The following NELL1 variants were observed in gnomAD, a reference collection of about 807,000 sequenced individuals.
The protein encoded by NELL1 is protein kinase C-binding protein NELL1.
A neutral mutation model predicts 107.4 loss-of-function variants in NELL1; 76 were observed. The ratio of observed to expected loss-of-function variants is 0.71; its 90% CI spans 0.59 to 0.86. The LOEUF is 0.86. NELL1 is among the 40% of genes least tolerant of loss of function. NELL1 has a pLI of 0.00. For missense variants in NELL1, 1,024 were observed against 1,005.5 expected, an observed-to-expected ratio of 1.02 and a Z score of -0.25; for synonymous variants, 353 against 341.2, an observed-to-expected ratio of 1.03 and a Z score of -0.38.
In NELL1 at chr11:21,438,352, T is replaced by C. The variant is rs542289404; in HGVS notation, c.1645+67404T>C. 2.6e-5 allele frequency among the ~76,000 whole-genome samples: 4 copies of C among 152,214 alleles called. No homozygotes were observed. The South Asian group carries it at 8.3e-4, about 32-fold the overall frequency. The stretch of plus-strand genomic sequence containing the variant: ...GCTGAAAAATACATTGTTAGTCTGA[T>C]AGGTATTGTTTTCTATGTGACTTGA... On this transcript the variant is annotated intron_variant, in intron 15 of 19. Transcript: ENST00000357134.
chr11:20,850,053 A>G (rs1207614306), intron 4 of NELL1, among the ~76,000 whole-genome samples: 6 of 152,204 alleles, frequency 3.9e-5, no homozygotes, highest in Non-Finnish European at 1.5e-5. Flanking sequence ...CTGGGCTACA[A>G]CAAATAAATG....
intron 12 of NELL1, among the ~76,000 whole-genome samples, chr11:20,976,812 A>C (rs1467398400): frequency 1.3e-5 from 2 of 152,138 alleles, no homozygotes; most frequent in Admixed American, 6.6e-5. Flanking sequence ...GAATTCCTAA[A>C]AATCTCTGTA....
At chr11:20,770,925 T>A (rs1856626885) in intron 2 of NELL1, 1 of 151,218 alleles carries the variant, frequency 6.6e-6, no homozygotes, top group Non-Finnish European at 1.5e-5. Flanking sequence ...TATTATTTAT[T>A]TGGCACACAT....
intron 15 of NELL1, among the ~76,000 whole-genome samples, chr11:21,485,652 G>C (rs1170677183): frequency 6.6e-6 from 1 of 151,694 alleles, no homozygotes; most frequent in Non-Finnish European, 1.5e-5. Flanking sequence ...ACTGAGAGTG[G>C]CCCCGCCCTC....
At chr11:21,090,710 G>A (rs1314286402) in intron 12 of NELL1, among the ~76,000 whole-genome samples, 2 of 152,220 alleles carry the variant, frequency 1.3e-5, no homozygotes, top group Non-Finnish European at 2.9e-5. Context: ...ACCTTCATGA[G>A]TAAGGCTGAT....
intron 12 of NELL1, among the ~76,000 whole-genome samples, chr11:20,975,574 T>TTA (rs200731005): frequency 0.16 from 22,214 of 140,852 alleles, 2,259 homozygotes; most frequent in Middle Eastern, 0.26. Flanking sequence ...ATATAATGTA[T>TTA]TATATACACA....
At chr11:21,208,249 A>G (rs1182879773) in intron 13 of NELL1, among the ~76,000 whole-genome samples, 1 of 151,994 alleles carries the variant, frequency 6.6e-6, no homozygotes, top group African/African-American at 2.4e-5. Flanking sequence ...TCTATTCTTT[A>G]GTAATAAAAG....
chr11:20,898,060 C>T (rs928385884), intron 5 of NELL1, among the ~76,000 whole-genome samples: 1 of 152,100 alleles, frequency 6.6e-6, no homozygotes, highest in African/African-American at 2.4e-5. Flanking sequence ...CCCAGCCATC[C>T]CATTACTGGG....
chr11:21,134,892 C>T (rs1350025351), intron 13 of NELL1, among the ~76,000 whole-genome samples: 1 of 152,140 alleles, frequency 6.6e-6, no homozygotes, highest in Non-Finnish European at 1.5e-5. Context: ...CTTAACTTTG[C>T]TGAAGTTTAA....
intron 4 of NELL1, among the ~76,000 whole-genome samples, chr11:20,857,662 T>A (rs944918614): frequency 6.6e-6 from 1 of 152,210 alleles, no homozygotes. Context: ...GGGAAGTACA[T>A]GCTCAGTCTC....
intron 15 of NELL1, among the ~76,000 whole-genome samples, chr11:21,406,668 G>T (rs906675788): frequency 2.0e-5 from 3 of 151,844 alleles, no homozygotes; most frequent in Non-Finnish European, 4.4e-5. Flanking sequence ...TATCATTCAG[G>T]CTCAAAAGCT....
chr11:20,685,590 G>A (rs1159158906), intron 2 of NELL1, among the ~76,000 whole-genome samples: 1 of 152,078 alleles, frequency 6.6e-6, no homozygotes. Context: ...TAAGGTGGGG[G>A]TAATAATAGT....
In NELL1 at chr11:20,975,712, A is replaced by G. The variant is rs1440082079; in HGVS notation, c.1300+15152A>G. ...ATAATGTATGTATTATATAATATACATATTATATATGTATTATATAATGTA... is the reference window on the plus strand; with the variant it reads ...ATAATGTATGTATTATATAATATACGTATTATATATGTATTATATAATGTA... On this transcript the variant is annotated intron_variant, in intron 12 of 19. Coordinates refer to ENST00000357134, the MANE Select transcript of NELL1 (RefSeq NM_006157.5). Among the ~76,000 whole-genome samples, 3 of 106,784 alleles carry G rather than the reference A, an allele frequency of 2.8e-5. 1 individual carries two copies. Among genetic ancestry groups the G allele is most frequent in the Non-Finnish European group, 5.5e-5 (3 of 54,772 alleles). The allele number at this position is 106,784 out of a possible 152,430, so 70.1% of individuals were successfully genotyped here.
intron 15 of NELL1, among the ~76,000 whole-genome samples, chr11:21,412,866 T>C (rs1263535120): frequency 6.6e-6 from 1 of 151,820 alleles, no homozygotes; most frequent in Non-Finnish European, 1.5e-5. Context: ...GTCTCATGAG[T>C]CCCATTTGCA....
chr11:20,677,512 CTTTA>C (rs1296175663), intron 1 of NELL1, among the ~76,000 whole-genome samples: 3 of 152,144 alleles, frequency 2.0e-5, no homozygotes, highest in African/African-American at 7.2e-5. Flanking sequence ...TATTTATAAT[CTTTA>C]TTTATGCCAA....
At chr11:21,479,331 A>G (rs558687329) in intron 15 of NELL1, among the ~76,000 whole-genome samples, 1 of 152,180 alleles carries the variant, frequency 6.6e-6, no homozygotes, top group Admixed American at 6.6e-5. Flanking sequence ...TGTGGTACCT[A>G]TATATACTGA....
At chr11:21,374,515 A>G (rs530726820) in intron 15 of NELL1, among the ~76,000 whole-genome samples, 10 of 152,204 alleles carry the variant, frequency 6.6e-5, no homozygotes, top group Admixed American at 2.0e-4. Context: ...TTGTGACTCA[A>G]TCAAATGCTG....
intron 13 of NELL1, among the ~76,000 whole-genome samples, chr11:21,177,968 G>T (rs1252526894): frequency 6.6e-6 from 1 of 151,508 alleles, no homozygotes; most frequent in Non-Finnish European, 1.5e-5. Context: ...CAGGTTATTT[G>T]TTTTCTTTTT....
chr11:21,392,979 G>A (rs533684409), intron 15 of NELL1, among the ~76,000 whole-genome samples: 2 of 140,542 alleles, frequency 1.4e-5, no homozygotes, highest in East Asian at 2.1e-4. Flanking sequence ...TTCCACTAAA[G>A]ATAGTTAAGT....
Sources: gnomAD v4.1 joint callset for allele counts (sites outside exome capture counted in the v4.1 genomes callset) on GRCh38, gnomAD v4.1.1 for gene constraint, MANE v1.5 for transcripts, NCBI Gene and HGNC (gene_info 2026-07-23, HGNC 2026-07-21) for gene names.